The following EDIL3 variants were observed in gnomAD, a reference collection of about 807,000 sequenced individuals.
EDIL3 encodes the protein EGF like and discoidin domains 3.
In EDIL3, 37 loss-of-function variants were observed where a neutral mutation model predicts 67.4. That is an observed-to-expected ratio of 0.55 (90% confidence interval 0.42 to 0.72). The LOEUF (loss-of-function observed/expected upper bound fraction) is 0.72. Among genes scored for constraint, EDIL3 ranks in the 30% least tolerant of loss-of-function variants. The pLI, the probability that EDIL3 is intolerant of heterozygous loss-of-function variation, is 0.00. For missense variants in EDIL3, 527 were observed against 586.3 expected (o/e 0.90, Z 1.04); for synonymous variants, 195 against 196.3 (o/e 0.99, Z 0.05).
At position 84,330,919 on chromosome 5, in the gene EDIL3, A is replaced by T. The variant is rs79780720; in HGVS notation, c.67+53389T>A. Among the ~76,000 whole-genome samples, 304 of 152,298 alleles carry T rather than the reference A, an allele frequency of 2.0e-3. 2 individuals carry two copies. Among genetic ancestry groups the T allele is most frequent in the African/African-American group, 7.0e-3 (291 of 41,570 alleles). On this transcript the variant is annotated intron_variant, in intron 1 of 10. Coordinates refer to ENST00000296591, the MANE Select transcript of EDIL3 (RefSeq NM_005711.5). ...TTTATTCCCTTTTATTTCTGTACTG[A>T]GTGCCCAAGGCCGTGAGACCTTACC...
chr5:84,035,279 C>A lies in EDIL3; in HGVS notation c.1137+25021G>T, dbSNP rs140590057. 6.6e-3 allele frequency among the ~76,000 whole-genome samples: 1,007 copies of A among 152,238 alleles called. 15 individuals are homozygous for A. The highest frequency in any genetic ancestry group is 0.023 in the African/African-American group (973 of 41,550). On this transcript the variant is annotated intron_variant, in intron 9 of 10. Coordinates refer to ENST00000296591, the MANE Select transcript of EDIL3 (RefSeq NM_005711.5). ...TGACTAAATCTTAGCAAAGATCCTG[C>A]TGATTAATTCAGTTTTCTCATGGTA...
At chr5:84,312,422 G>A (rs1385150510) in intron 1 of EDIL3, among the ~76,000 whole-genome samples, 1 of 141,004 alleles carries the variant, frequency 7.1e-6, no homozygotes, top group Non-Finnish European at 1.5e-5. Flanking sequence ...GCGGCTGGCC[G>A]GGCAGAGGGG....
intron 1 of EDIL3, among the ~76,000 whole-genome samples, chr5:84,329,340 G>C (rs1371819756): frequency 6.6e-6 from 1 of 151,988 alleles, no homozygotes; most frequent in Non-Finnish European, 1.5e-5. Context: ...ATATTTTTCT[G>C]TAATACTGAG....
intron 4 of EDIL3, 52 bp downstream of exon 4, chr5:84,180,341 G>A: frequency 1.3e-6 from 2 of 1,516,208 alleles, no homozygotes; most frequent in Non-Finnish European, 1.8e-6. Context: ...ATGATGGCTT[G>A]TATACTTTGT....
intron 3 of EDIL3, among the ~76,000 whole-genome samples, chr5:84,197,305 T>C (rs1002896298): frequency 7.2e-5 from 11 of 151,918 alleles, no homozygotes; most frequent in African/African-American, 2.7e-4. Context: ...TATTGGAAAC[T>C]TGGGTATGAC....
At chr5:84,071,986 A>G (rs887743247) in intron 6 of EDIL3, among the ~76,000 whole-genome samples, 1 of 152,150 alleles carries the variant, frequency 6.6e-6, no homozygotes, top group Non-Finnish European at 1.5e-5. Flanking sequence ...TAATTGGGAC[A>G]ATTTGATAGA....
At chr5:83,955,480 C>T (rs563283361) in intron 10 of EDIL3, among the ~76,000 whole-genome samples, 1 of 151,650 alleles carries the variant, frequency 6.6e-6, no homozygotes, top group East Asian at 2.0e-4. Flanking sequence ...TTATCAAACT[C>T]CCTGAAAATG....
rs71638275 is a variant in EDIL3 at position 84,322,900 on chromosome 5, A to G, written c.67+61408T>C. 7.8e-3 allele frequency among the ~76,000 whole-genome samples: 1,194 copies of G among 152,166 alleles called. 11 individuals are homozygous for G. The highest frequency in any genetic ancestry group is 0.014 in the Non-Finnish European group (938 of 67,932). ...TCAGAAACTATACAGACCAGAAGGC[A>G]GTGGGCGATATATTGAAAATGCTAC... On this transcript the variant is annotated intron_variant, in intron 1 of 10. Transcript: ENST00000296591.
At chr5:84,297,815 A>G (rs946694300) in intron 1 of EDIL3, among the ~76,000 whole-genome samples, 2 of 152,188 alleles carry the variant, frequency 1.3e-5, no homozygotes, top group African/African-American at 4.8e-5. Context: ...TTTTAACTCA[A>G]GATACAGTCG....
At chr5:84,099,133 C>G (rs1315199532) in intron 6 of EDIL3, among the ~76,000 whole-genome samples, 1 of 152,130 alleles carries the variant, frequency 6.6e-6, no homozygotes, top group Non-Finnish European at 1.5e-5. Context: ...ATTCCATGCA[C>G]ATGGATAGGA....
At chr5:84,018,899 G>A (rs1230968632) in intron 9 of EDIL3, among the ~76,000 whole-genome samples, 8 of 152,088 alleles carry the variant, frequency 5.3e-5, no homozygotes, top group Admixed American at 6.6e-5. Context: ...GAAACAACAG[G>A]TGCTGGAGAG....
chr5:83,963,121 A>G (rs1190483119), intron 10 of EDIL3, 84 bp downstream of exon 10: 1 of 1,437,690 alleles, frequency 7.0e-7, no homozygotes, highest in East Asian at 2.4e-5. Flanking sequence ...TTCAGTACAG[A>G]TGTATAAGCA....
chr5:84,009,056 C>T (rs1745474139), intron 9 of EDIL3, among the ~76,000 whole-genome samples: 1 of 152,184 alleles, frequency 6.6e-6, no homozygotes, highest in Non-Finnish European at 1.5e-5. Flanking sequence ...CAGTGATCTG[C>T]CTGCCTCAGC....
chr5:84,364,799 T>G (rs1747692257), intron 1 of EDIL3, among the ~76,000 whole-genome samples: 1 of 152,076 alleles, frequency 6.6e-6, no homozygotes, highest in Non-Finnish European at 1.5e-5. Context: ...ACTTTAGAAA[T>G]AGGTACAAAT....
At chr5:84,037,489 A>G (rs754171245) in intron 9 of EDIL3, among the ~76,000 whole-genome samples, 26 of 152,208 alleles carry the variant, frequency 1.7e-4, no homozygotes, top group South Asian at 4.1e-4. Flanking sequence ...AGATTTCTCT[A>G]ATATGTTTTG....
chr5:84,087,817 G>C (rs1747098618), intron 6 of EDIL3, among the ~76,000 whole-genome samples: 1 of 152,160 alleles, frequency 6.6e-6, no homozygotes, highest in South Asian at 2.1e-4. Context: ...GTTAGGGAAA[G>C]CTTCCCTGAG....
intron 1 of EDIL3, among the ~76,000 whole-genome samples, chr5:84,308,770 A>T (rs1746323031): frequency 6.6e-6 from 1 of 152,234 alleles, no homozygotes; most frequent in South Asian, 2.1e-4. Flanking sequence ...TCATTTGTAT[A>T]AAAAGATCAA....
chr5:84,038,449 T>A (rs1316303948), intron 9 of EDIL3, among the ~76,000 whole-genome samples: 2 of 152,228 alleles, frequency 1.3e-5, no homozygotes, highest in African/African-American at 4.8e-5. Context: ...TCCGACAAGA[T>A]GTACTTCTTA....
intron 3 of EDIL3, among the ~76,000 whole-genome samples, chr5:84,226,915 G>A (rs984502707): frequency 1.3e-5 from 2 of 151,872 alleles, no homozygotes; most frequent in Non-Finnish European, 2.9e-5. Flanking sequence ...TTAGTGAGGA[G>A]AGAAGTTATG....
Sources: allele counts gnomAD v4.1 joint callset (sites outside exome capture counted in the v4.1 genomes callset), GRCh38; gene constraint gnomAD v4.1.1; transcripts MANE v1.5; gene names NCBI Gene and HGNC (gene_info 2026-07-23, HGNC 2026-07-21).